GRIA1: variants seen among roughly 807,000 people sequenced by gnomAD.
GRIA1 encodes the protein glutamate ionotropic receptor AMPA type subunit 1.
A neutral mutation model predicts 99.2 loss-of-function variants in GRIA1; 31 were observed. The observed-to-expected ratio is 0.31, with a 90% CI of 0.23 to 0.42. GRIA1 has a LOEUF of 0.42. Among genes scored for constraint, GRIA1 ranks in the 10% least tolerant of loss-of-function variants. The probability of loss-of-function intolerance (pLI) is 1.00; values close to 1 mark genes in which losing one functional copy is unlikely to be tolerated. For synonymous variants in GRIA1, 438 were observed against 432.4 expected, an observed-to-expected ratio of 1.01 and a Z score of -0.16; for missense variants, 782 against 1,157.5, an observed-to-expected ratio of 0.68 and a Z score of 4.71.
intron 2 of GRIA1, among the ~76,000 whole-genome samples, chr5:153,521,944 A>T (rs1757184963): frequency 6.6e-6 from 1 of 152,206 alleles, no homozygotes; most frequent in African/African-American, 2.4e-5. Flanking sequence ...TGCTTTTAAT[A>T]TTTCAGAGTC....
intron 4 of GRIA1, 34 bp from the exon 5 acceptor site, chr5:153,655,785 T>A: frequency 6.3e-7 from 1 of 1,590,808 alleles, no homozygotes; most frequent in Non-Finnish European, 8.6e-7. Flanking sequence ...ACTGTTAGTA[T>A]GATTAATGAG....
chr5:153,491,076 C>A (rs1302923371), intron 1 of GRIA1, 106 bp downstream of exon 1: 3 of 1,166,916 alleles, frequency 2.6e-6, no homozygotes, highest in African/African-American at 1.5e-5. Context: ...TTTTGCTTGG[C>A]TCCCTAAAGC....
intron 2 of GRIA1, among the ~76,000 whole-genome samples, chr5:153,592,069 T>C (rs191572700): frequency 9.9e-5 from 15 of 152,250 alleles, no homozygotes; most frequent in African/African-American, 3.4e-4. Context: ...GTAAAGGCAG[T>C]GATATTATAA....
chr5:153,686,994 T>A (rs1757385402), intron 8 of GRIA1, among the ~76,000 whole-genome samples: 1 of 152,092 alleles, frequency 6.6e-6, no homozygotes, highest in Non-Finnish European at 1.5e-5. Context: ...TTCTTTCTCA[T>A]CATTGAGCCT....
chr5:153,673,138 C>T lies in GRIA1; in HGVS notation c.700-1362C>T, dbSNP rs141992892. On this transcript the variant is annotated intron_variant, in intron 5 of 15. Coordinates refer to ENST00000285900, the MANE Select transcript of GRIA1 (RefSeq NM_000827.4). ...TGCCACAATCACACCAGCCTCCTTA[C>T]TGTTTCTTGAATATGCCAATCATCC... is the stretch of plus-strand genomic sequence containing the variant. Among the ~76,000 whole-genome samples, 1,146 of 152,320 alleles carry T rather than the reference C, an allele frequency of 7.5e-3. 19 individuals are homozygous for T. Among genetic ancestry groups the T allele is most frequent in the African/African-American group, 0.026 (1,088 of 41,566 alleles).
chr5:153,724,379 G>A (rs984990047), intron 11 of GRIA1, among the ~76,000 whole-genome samples: 12 of 152,076 alleles, frequency 7.9e-5, no homozygotes, highest in Admixed American at 5.2e-4. Context: ...CACCAGCAAC[G>A]GAACAAAGCT....
At chr5:153,606,272 C>A (rs1004578911) in intron 2 of GRIA1, among the ~76,000 whole-genome samples, 18 of 152,072 alleles carry the variant, frequency 1.2e-4, no homozygotes, top group Non-Finnish European at 1.5e-5. Context: ...TCTGGTCTTT[C>A]TTTTCTGTTC....
chr5:153,612,139 C>T (rs1238954797), intron 2 of GRIA1, among the ~76,000 whole-genome samples: 1 of 152,204 alleles, frequency 6.6e-6, no homozygotes, highest in Non-Finnish European at 1.5e-5. Context: ...ATATTGATTC[C>T]TATTTCCTGC....
intron 2 of GRIA1, among the ~76,000 whole-genome samples, chr5:153,603,915 T>G (rs1021849130): frequency 3.3e-5 from 5 of 152,334 alleles, no homozygotes; most frequent in Non-Finnish European, 5.9e-5. Context: ...CAGGATTGGA[T>G]ATATAGTAAG....
chr5:153,794,480 G>A (rs1396786912), intron 13 of GRIA1, 141 bp from the exon 14 acceptor site: 3 of 662,528 alleles, frequency 4.5e-6, no homozygotes, highest in Admixed American at 2.1e-5. Context: ...CTGCAGTGAT[G>A]TTGGGGGCAG....
chr5:153,671,794 C>T (rs1479821667), intron 5 of GRIA1, among the ~76,000 whole-genome samples: 1 of 152,172 alleles, frequency 6.6e-6, no homozygotes, highest in African/African-American at 2.4e-5. Context: ...GGTTCTAGGA[C>T]ACATCAGTGA....
At chr5:153,591,855 C>T (rs1346176540) in intron 2 of GRIA1, among the ~76,000 whole-genome samples, 1 of 152,168 alleles carries the variant, frequency 6.6e-6, no homozygotes, top group African/African-American at 2.4e-5. Flanking sequence ...TTTGTGATTG[C>T]AACATGAAAG....
Position 153,729,684 on chromosome 5 carries a change from G to A in GRIA1, c.1823+23617G>A, listed in dbSNP as rs556878286. Among the ~76,000 whole-genome samples the A allele has an allele frequency of 7.9e-5, 12 of 152,126 alleles. No homozygotes were observed. In the South Asian group the frequency reaches 2.5e-3, roughly 32 times the overall value. On this transcript the variant is annotated intron_variant, in intron 11 of 15. Transcript: ENST00000285900. Reference sequence around the variant, plus strand: ...GTTTATACTGAAATGATAGGGCTTTGAAAAGAATAAACAACATTCCCTTTC... The same window carrying A: ...GTTTATACTGAAATGATAGGGCTTTAAAAAGAATAAACAACATTCCCTTTC...
intron 2 of GRIA1, among the ~76,000 whole-genome samples, chr5:153,518,879 A>C (rs1179746135): frequency 6.6e-6 from 1 of 152,190 alleles, no homozygotes; most frequent in East Asian, 1.9e-4. Context: ...GCTCCATGTC[A>C]GAGCCAGTGC....
intron 12 of GRIA1, among the ~76,000 whole-genome samples, chr5:153,766,601 T>C (rs1348229820): frequency 6.6e-6 from 1 of 152,172 alleles, no homozygotes; most frequent in South Asian, 2.1e-4. Flanking sequence ...GGGTACCAAA[T>C]CTGAGTTTTC....
intron 2 of GRIA1, among the ~76,000 whole-genome samples, chr5:153,498,067 G>A (rs1754616839): frequency 6.6e-6 from 1 of 152,062 alleles, no homozygotes; most frequent in African/African-American, 2.4e-5. Flanking sequence ...CTGAGTTCTG[G>A]GCCCATACAC....
At chr5:153,766,778 A>G (rs1466529903) in intron 12 of GRIA1, among the ~76,000 whole-genome samples, 1 of 152,172 alleles carries the variant, frequency 6.6e-6, no homozygotes, top group Non-Finnish European at 1.5e-5. Context: ...AGGCCCAGAG[A>G]AGAAAATGGT....
At chr5:153,806,203 C>T (rs112537372) in intron 15 of GRIA1, among the ~76,000 whole-genome samples, 39 of 152,156 alleles carry the variant, frequency 2.6e-4, no homozygotes, top group African/African-American at 8.9e-4. Flanking sequence ...TGAGAGCTTT[C>T]CCTCTCATTT....
At chr5:153,737,465 T>A (rs1382033022) in intron 11 of GRIA1, among the ~76,000 whole-genome samples, 3 of 152,036 alleles carry the variant, frequency 2.0e-5, no homozygotes, top group Admixed American at 6.6e-5. Flanking sequence ...TCCAAAGCAA[T>A]ACGATGGAAA....
Sources: gnomAD v4.1 joint callset for allele counts (sites outside exome capture counted in the v4.1 genomes callset) on GRCh38, gnomAD v4.1.1 for gene constraint, MANE v1.5 for transcripts, NCBI Gene and HGNC (gene_info 2026-07-23, HGNC 2026-07-21) for gene names.